PDE11A: variants seen among roughly 807,000 people sequenced by gnomAD.
PDE11A encodes the protein phosphodiesterase 11A.
Under a neutral mutation model 100.5 loss-of-function variants are expected in PDE11A, and 100 were observed. The observed-to-expected ratio is 1.00, with a 90% CI of 0.85 to 1.18. The LOEUF (loss-of-function observed/expected upper bound fraction) is 1.18. Among genes scored for constraint, PDE11A ranks in the 50% most tolerant of loss-of-function variants. The pLI is 0.00. For synonymous variants in PDE11A, 381 were observed against 420.8 expected (o/e 0.91, Z 1.16); for missense variants, 1,141 against 1,152.6 (o/e 0.99, Z 0.15).
intron 10 of PDE11A, among the ~76,000 whole-genome samples, chr2:177,736,633 C>T (rs1343237011): frequency 6.6e-6 from 1 of 152,110 alleles, no homozygotes; most frequent in Admixed American, 6.6e-5. Context: ...GCTGCTGATC[C>T]TTGTGCATTT....
chr2:177,793,104 G>A (rs1233072924), intron 9 of PDE11A, among the ~76,000 whole-genome samples: 1 of 152,134 alleles, frequency 6.6e-6, no homozygotes, highest in Non-Finnish European at 1.5e-5. Flanking sequence ...GTGGTGTTAG[G>A]GCATGTAAGT....
Position 177,769,625 on chromosome 2 carries a change from C to T in PDE11A, c.1738-252G>A, listed in dbSNP as rs563799362. On this transcript the variant is annotated intron_variant, in intron 9 of 19. Coordinates refer to ENST00000286063, the MANE Select transcript of PDE11A (RefSeq NM_016953.4). ...GACAATGGCCAGGTGCAGTGCTTCG[C>T]GCCTGTAATCCCAGCATTTGGGAGG... Among the ~76,000 whole-genome samples, 6 of 152,174 alleles carry T rather than the reference C, an allele frequency of 3.9e-5. No homozygotes were observed. In the South Asian group the frequency reaches 1.0e-3, roughly 26 times the overall value.
At chr2:177,639,132 A>C (rs59275027) in intron 19 of PDE11A, among the ~76,000 whole-genome samples, 25,085 of 152,120 alleles carry the variant, frequency 0.16, 3,347 homozygotes, top group African/African-American at 0.37. Flanking sequence ...TAGAAATTCT[A>C]TCCAGGCCAC....
chr2:177,643,270 A>G (rs1181811904), intron 19 of PDE11A, among the ~76,000 whole-genome samples: 1 of 152,196 alleles, frequency 6.6e-6, no homozygotes, highest in Non-Finnish European at 1.5e-5. Flanking sequence ...AACTCCCTAA[A>G]GGCTTGTTGA....
chr2:178,085,264 A>C (rs1392247616), intron 2 of PDE11A, among the ~76,000 whole-genome samples: 1 of 152,216 alleles, frequency 6.6e-6, no homozygotes, highest in Non-Finnish European at 1.5e-5. Context: ...AACTATTATC[A>C]GGAGCTGGAA....
At chr2:177,907,366 T>C (rs1282219499) in intron 2 of PDE11A, among the ~76,000 whole-genome samples, 1 of 152,202 alleles carries the variant, frequency 6.6e-6, no homozygotes, top group Non-Finnish European at 1.5e-5. Flanking sequence ...TCAGTAAACA[T>C]GCTTGCACCT....
At chr2:177,939,853 A>G (rs1179357636) in intron 2 of PDE11A, among the ~76,000 whole-genome samples, 3 of 152,204 alleles carry the variant, frequency 2.0e-5, no homozygotes, top group Non-Finnish European at 4.4e-5. Context: ...AGAGAGAACA[A>G]AGGAATCTAT....
intron 1 of PDE11A, among the ~76,000 whole-genome samples, chr2:178,026,383 C>T (rs562044589): frequency 1.3e-5 from 2 of 151,840 alleles, no homozygotes; most frequent in South Asian, 2.1e-4. Flanking sequence ...AATTTTTGAC[C>T]GGGCGCTGTG....
intron 2 of PDE11A, among the ~76,000 whole-genome samples, chr2:177,942,402 A>AC (rs1553492143): frequency 2.3e-5 from 1 of 43,116 alleles, no homozygotes; most frequent in African/African-American, 7.7e-5. Context: ...TATTTTTTAA[A>AC]ATTATTTTTT....
chr2:177,759,874 T>A (rs1381578058), intron 10 of PDE11A, among the ~76,000 whole-genome samples: 1 of 152,166 alleles, frequency 6.6e-6, no homozygotes, highest in Non-Finnish European at 1.5e-5. Flanking sequence ...TTACTAAAAG[T>A]CAATATGTTG....
chr2:177,659,777 CTTCTT>C (rs2080445929), intron 19 of PDE11A, among the ~76,000 whole-genome samples: 5 of 150,074 alleles, frequency 3.3e-5, no homozygotes, highest in Non-Finnish European at 4.4e-5. Context: ...CTTCCTTCTT[CTTCTT>C]TTTTTTTTTC....
chr2:177,652,428 A>T (rs1260955191), intron 19 of PDE11A, among the ~76,000 whole-genome samples: 1 of 152,146 alleles, frequency 6.6e-6, no homozygotes, highest in African/African-American at 2.4e-5. Context: ...CATTTAGCTT[A>T]TGGCAAGAGC....
At chr2:177,800,380 A>C (rs1363200897) in intron 9 of PDE11A, among the ~76,000 whole-genome samples, 1 of 151,910 alleles carries the variant, frequency 6.6e-6, no homozygotes, top group African/African-American at 2.4e-5. Context: ...TATATTGCCC[A>C]GGCTGGTCTC....
At chr2:177,769,398 T>C (rs1286346172) in intron 9 of PDE11A, 25 bp from the exon 10 acceptor site, 1 of 1,358,686 alleles carries the variant, frequency 7.4e-7, no homozygotes, top group South Asian at 1.2e-5. Context: ...AAAAAAATAA[T>C]TTTAATAACT....
chr2:177,668,217 G>C (rs1269936845), intron 18 of PDE11A, among the ~76,000 whole-genome samples: 2 of 152,174 alleles, frequency 1.3e-5, no homozygotes, highest in African/African-American at 2.4e-5. Context: ...GCTCACCAGT[G>C]CTGGCAATTT....
chr2:177,809,588 A>C (rs200619999), intron 9 of PDE11A, among the ~76,000 whole-genome samples: 1 of 86,884 alleles, frequency 1.2e-5, no homozygotes, highest in Non-Finnish European at 2.5e-5. Context: ...TTGCCCTTTC[A>C]TCCTACCTCC....
intron 2 of PDE11A, among the ~76,000 whole-genome samples, chr2:177,917,072 G>C (rs1424012356): frequency 6.6e-6 from 1 of 151,586 alleles, no homozygotes; most frequent in African/African-American, 2.4e-5. Context: ...CACCATGCCC[G>C]GCCAACTTGA....
chr2:177,952,424 C>T (rs921054037), intron 2 of PDE11A, among the ~76,000 whole-genome samples: 4 of 152,146 alleles, frequency 2.6e-5, no homozygotes, highest in African/African-American at 7.2e-5. Flanking sequence ...TGGCCCACAC[C>T]GGATTTTCTC....
At chr2:177,939,517 AAGGGAGGGAGGG>A (rs1162372278) in intron 2 of PDE11A, among the ~76,000 whole-genome samples, 43 of 69,228 alleles carry the variant, frequency 6.2e-4, no homozygotes, top group Non-Finnish European at 7.5e-4. Flanking sequence ...GGAGGGAGGG[AAGGGAGGGAGGG>A]AGGAAGGAAG....
Sources: allele counts gnomAD v4.1 joint callset (sites outside exome capture counted in the v4.1 genomes callset), GRCh38; gene constraint gnomAD v4.1.1; transcripts MANE v1.5; gene names NCBI Gene and HGNC (gene_info 2026-07-23, HGNC 2026-07-21).